Variants in NRDE2 observed in about 807,000 individuals in gnomAD.
NRDE2 encodes NRDE-2, necessary for RNA interference, domain containing, also known as nuclear exosome regulator NRDE2.
NRDE2 carries 76 observed loss-of-function variants against 124.2 expected under a neutral mutation model. That is an observed-to-expected ratio of 0.61 (90% CI 0.51 to 0.74). The LOEUF (loss-of-function observed/expected upper bound fraction) is 0.74. Ranked by LOEUF, NRDE2 falls within the 30% of genes least tolerant of loss-of-function variation. The pLI, the probability that NRDE2 is intolerant of heterozygous loss-of-function variation, is 0.00. For missense variants in NRDE2, 1,314 were observed against 1,417.3 expected, an observed-to-expected ratio of 0.93 and a Z score of 1.17; for synonymous variants, 489 against 528.1, an observed-to-expected ratio of 0.93 and a Z score of 1.01.
chr14:90,278,298 C>G lies in NRDE2; in HGVS notation c.*38G>C. The G allele has an allele frequency of 6.2e-7, 1 of 1,613,272 alleles. No homozygotes were observed. Among genetic ancestry groups the G allele is most frequent in the Non-Finnish European group, 8.5e-7 (1 of 1,179,438 alleles). ...CCTCCTAGCTCCGCAGGGTGGGCAA[C>G]TTGGCCTCGCAGGCACAGCCCGTTT... On this transcript the variant is annotated 3_prime_UTR_variant, in exon 14 of 14. Coordinates refer to ENST00000354366, the MANE Select transcript of NRDE2 (RefSeq NM_017970.4).
intron 12 of NRDE2, among the ~76,000 whole-genome samples, chr14:90,283,379 C>T (rs1045134287): frequency 2.0e-5 from 3 of 152,168 alleles, no homozygotes; most frequent in African/African-American, 7.2e-5. Flanking sequence ...TACATTTGCA[C>T]CTTACCCTGC....
Position 90,303,231 on chromosome 14 carries a change from C to T in NRDE2, c.1006-106G>A. The T allele has an allele frequency of 2.9e-6, 3 of 1,037,042 alleles. No homozygotes were observed. In the South Asian group the frequency reaches 5.2e-5, roughly 18 times the overall value. 64.2% of individuals were successfully genotyped at this position (1,037,042 alleles called of 1,614,324 possible). A position where few individuals can be genotyped will look rare whatever the true frequency, so the allele number is the denominator to read the frequency against. ...ACCACCCCCTAGGGACTTTCTTAAA[C>T]CACCAGTTTGCCACTATTTCTTTTA... On this transcript the variant is annotated intron_variant, in intron 5 of 13. Coordinates refer to ENST00000354366, the MANE Select transcript of NRDE2 (RefSeq NM_017970.4).
Position 90,292,278 on chromosome 14 carries a change from G to A in NRDE2, c.1842+419C>T, listed in dbSNP as rs569993585. Among the ~76,000 whole-genome samples, 87 of 152,260 alleles carry A rather than the reference G, an allele frequency of 5.7e-4. 1 individual carries two copies. Among genetic ancestry groups the A allele is most frequent in the African/African-American group, 1.9e-3 (81 of 41,548 alleles). On this transcript the variant is annotated intron_variant, in intron 9 of 13. Transcript: ENST00000354366. ...TCCAGTCTATCTGCTACAGCTTCAC[G>A]GACCCAAGAGTGGGGTGGGGAAAGT...
At chr14:90,298,491 G>C (rs1049716963) in intron 7 of NRDE2, 111 bp from the exon 8 acceptor site, 10 of 1,125,950 alleles carry the variant, frequency 8.9e-6, no homozygotes, top group Non-Finnish European at 1.1e-5. Context: ...TTGAAATCAT[G>C]TTTGCCATCA....
At chr14:90,331,607 G>A (rs1885699500) in intron 1 of NRDE2, among the ~76,000 whole-genome samples, 4 of 152,210 alleles carry the variant, frequency 2.6e-5, no homozygotes. Context: ...CCCAGCTCCA[G>A]GGCATCTGCT....
rs770097593 is a variant in NRDE2 at position 90,290,648 on chromosome 14, A to T, written c.1843-41T>A. 2.6e-5 allele frequency: 40 copies of T among 1,561,110 alleles called. No individual in the cohort carries two copies. The South Asian group carries it at 4.8e-4, about 19-fold the overall frequency. ...AATAAAGCGACCCATGTAACAAAAC[A>T]AAACCCGCACATTTGTCACAATTCT... On this transcript the variant is annotated intron_variant, in intron 9 of 13. Transcript: ENST00000354366.
At position 90,275,457 on chromosome 14, in the gene NRDE2, G is replaced by A. The variant is rs1374293522; in HGVS notation, c.*2879C>T. The A allele has an allele frequency of 6.6e-6, 1 of 152,062 alleles. No homozygotes were observed. Among genetic ancestry groups the A allele is most frequent in the African/African-American group, 2.4e-5 (1 of 41,400 alleles). 9.4% of individuals were successfully genotyped at this position (152,062 alleles called of 1,614,324 possible). ...ACATCAGTATTGCCTTTTCCTCATT[G>A]GTAATAGCTGAGCGTTTTCCTCTAG... On this transcript the variant is annotated 3_prime_UTR_variant, in exon 14 of 14. Transcript: ENST00000354366.
intron 3 of NRDE2, among the ~76,000 whole-genome samples, chr14:90,315,329 C>T (rs1885005926): frequency 6.6e-6 from 1 of 151,670 alleles, no homozygotes; most frequent in African/African-American, 2.4e-5. Flanking sequence ...CAAGATCGTA[C>T]CACTGCACTC....
rs1891684230 is a variant in NRDE2 at position 90,272,105 on chromosome 14, G to A, written c.*6231C>T. 1 of 552,478 alleles carries A rather than the reference G, an allele frequency of 1.8e-6. No homozygotes were observed. Among genetic ancestry groups the A allele is most frequent in the East Asian group, 4.3e-5 (1 of 23,032 alleles). The allele number at this position is 552,478 out of a possible 1,614,324, so 34.2% of individuals were successfully genotyped here. Reference sequence around the variant, plus strand: ...GATGGGGTTTCACCGTGTTGGCCAGGCTGGTCTTGAACTCCTGACCTTAGG... The same window carrying A: ...GATGGGGTTTCACCGTGTTGGCCAGACTGGTCTTGAACTCCTGACCTTAGG... On this transcript the variant is annotated 3_prime_UTR_variant, in exon 14 of 14. Transcript: ENST00000354366. The surrounding 1 kb of genome is among the most constrained non-coding windows in gnomAD (Gnocchi z 4.5).
At position 90,302,968 on chromosome 14, in the gene NRDE2, A is replaced by G. The variant is rs1269419281; in HGVS notation, c.1163T>C (p.Leu388Pro). The change falls in exon 6 of 14, where the codon CTG (leucine) becomes CCG (proline). Residue 388 changes from leucine to proline, a missense_variant. Physicochemically the swap from Leu to Pro is moderately conservative, Grantham distance 98. Coordinates refer to ENST00000354366, the MANE Select transcript of NRDE2 (RefSeq NM_017970.4). ...QSSVDLKLAK[L>P]KLCTEFWEPS... is the part of the protein sequence containing the mutation. ...CTCCCAGAACTCTGTGCAGAGCTTC[A>G]GCTTGGCCAGTTTCAGATCCACACT... 6.2e-7 allele frequency: 1 copy of G among 1,614,064 alleles called. No individual in the cohort carries two copies. The highest frequency in any genetic ancestry group is 8.5e-7 in the Non-Finnish European group (1 of 1,180,034).
rs200016542 is a variant in NRDE2 at position 90,278,288 on chromosome 14, G to T, written c.*48C>A. ...TCTGCTCGCGCCTCCTAGCTCCGCA[G>T]GGTGGGCAACTTGGCCTCGCAGGCA... is the stretch of plus-strand genomic sequence containing the variant. On this transcript the variant is annotated 3_prime_UTR_variant, in exon 14 of 14. Transcript: ENST00000354366. The T allele has an allele frequency of 6.2e-7, 1 of 1,612,442 alleles. No homozygotes were observed. The highest frequency in any genetic ancestry group is 8.5e-7 in the Non-Finnish European group (1 of 1,178,822).
rs543800988 is a variant in NRDE2 at position 90,307,262 on chromosome 14, T to C, written c.558-2880A>G. Among the ~76,000 whole-genome samples, 6 of 152,356 alleles carry C rather than the reference T, an allele frequency of 3.9e-5. No individual in the cohort carries two copies. In the East Asian group the frequency reaches 7.7e-4, roughly 20 times the overall value. ...TTTGTATTGACTTCAAACTGTTCCA[T>C]TGTATGGATGTGCCATAATTTATTT... On this transcript the variant is annotated intron_variant, in intron 4 of 13. Transcript: ENST00000354366.
Position 90,272,709 on chromosome 14 carries a change from A to G in NRDE2, c.*5627T>C, listed in dbSNP as rs946204835. 2 of 238,748 alleles carry G rather than the reference A, an allele frequency of 8.4e-6. No individual in the cohort carries two copies. Among genetic ancestry groups the G allele is most frequent in the Non-Finnish European group, 1.7e-5 (2 of 119,746 alleles). The allele number at this position is 238,748 out of a possible 1,614,324, so 14.8% of individuals were successfully genotyped here. A position where few individuals can be genotyped will look rare whatever the true frequency, so the allele number is the denominator to read the frequency against. ...CCCAGCTACAGGGAAGCCTTTGGAC[A>G]GGAACTCAGGCTGCGGTCCCAAGGA... On this transcript the variant is annotated 3_prime_UTR_variant, in exon 14 of 14. Transcript: ENST00000354366. The surrounding 1 kb of genome is among the most constrained non-coding windows in gnomAD (Gnocchi z 4.5).
chr14:90,325,737 G>A (rs1218962551), intron 1 of NRDE2, among the ~76,000 whole-genome samples: 3 of 152,122 alleles, frequency 2.0e-5, no homozygotes, highest in Non-Finnish European at 4.4e-5. Flanking sequence ...ATGTTGCCCA[G>A]GCTGGTCTCA....
At position 90,288,976 on chromosome 14, in the gene NRDE2, C is replaced by T; in HGVS notation, c.2399G>A (p.Arg800Lys). 3 of 1,613,088 alleles carry T rather than the reference C, an allele frequency of 1.9e-6. No individual in the cohort carries two copies. The highest frequency in any genetic ancestry group is 2.5e-6 in the Non-Finnish European group (3 of 1,179,096). The change falls in exon 11 of 14, where the codon AGA (arginine) becomes AAA (lysine). Residue 800 changes from arginine to lysine, a missense_variant. Coordinates refer to ENST00000354366, the MANE Select transcript of NRDE2 (RefSeq NM_017970.4). ...EWLLGNTEDA[R>K]KVFDTALGMA... is the part of the protein sequence containing the mutation. ...GCCAAGTGCTGTGTCAAAAACTTTT[C>T]TGGCATCCTCCGTGTTGCCAAGCAA...
intron 12 of NRDE2, 149 bp from the exon 13 acceptor site, chr14:90,279,282 C>G (rs1891889774): frequency 6.1e-6 from 4 of 651,390 alleles, no homozygotes; most frequent in Non-Finnish European, 1.1e-5. Context: ...GGCTGTGGGA[C>G]AGGGGCAGGT....
chr14:90,331,573 G>A (rs1350956941), intron 1 of NRDE2, among the ~76,000 whole-genome samples: 2 of 152,170 alleles, frequency 1.3e-5, no homozygotes, highest in Non-Finnish European at 2.9e-5. Flanking sequence ...AGAAGAACAG[G>A]ACCTAACAAC....
chr14:90,299,333 C>A (rs1884301726), intron 7 of NRDE2, among the ~76,000 whole-genome samples: 1 of 152,138 alleles, frequency 6.6e-6, no homozygotes, highest in South Asian at 2.1e-4. Context: ...CAAGCCTAAA[C>A]CACCGCGCCC....
At chr14:90,329,829 C>T (rs1885596281) in intron 1 of NRDE2, among the ~76,000 whole-genome samples, 2 of 136,088 alleles carry the variant, frequency 1.5e-5, no homozygotes, top group South Asian at 4.5e-4. Flanking sequence ...CAGAGTGAGA[C>T]TGCCTCAAAA....
Sources: gnomAD v4.1 joint callset for allele counts (sites outside exome capture counted in the v4.1 genomes callset) on GRCh38, gnomAD v4.1.1 for gene constraint, Gnocchi (gnomAD v3.1) non-coding constraint, MANE v1.5 for transcripts, NCBI Gene and HGNC (gene_info 2026-07-23, HGNC 2026-07-21) for gene names.